Variants in SNX29 observed in about 807,000 individuals in gnomAD.
The protein encoded by SNX29 is sorting nexin-29.
SNX29 carries 78 observed loss-of-function variants against 102.1 expected under a neutral mutation model. That is an observed-to-expected ratio of 0.76 (90% CI 0.64 to 0.92). SNX29 has a LOEUF of 0.92. Among genes scored for constraint, SNX29 ranks in the 40% least tolerant of loss-of-function variants. The pLI is 0.00. For missense variants in SNX29, 1,280 were observed against 1,061.7 expected (o/e 1.21, Z -2.86); for synonymous variants, 580 against 414.5 (o/e 1.40, Z -4.85).
chr16:12,074,180 A>G (rs922096919), intron 10 of SNX29, among the ~76,000 whole-genome samples: 1 of 149,832 alleles, frequency 6.7e-6, no homozygotes, highest in Non-Finnish European at 1.5e-5. Context: ...TTTAAAGTTA[A>G]TATTGTTATG....
chr16:12,048,277 C>G lies in SNX29; in HGVS notation c.500-95C>G, dbSNP rs900069917. Reference sequence around the variant, plus strand: ...TACCTATTTAAGATCAACGTGCCTCCTCTTCTGTACTCTGTTGTCTGCAGC... The same window carrying G: ...TACCTATTTAAGATCAACGTGCCTCGTCTTCTGTACTCTGTTGTCTGCAGC... On this transcript the variant is annotated intron_variant, in intron 6 of 20. Transcript: ENST00000566228. 5 of 1,574,502 alleles carry G rather than the reference C, an allele frequency of 3.2e-6. No homozygotes were observed. The African/African-American group carries it at 6.8e-5, about 21-fold the overall frequency.
At chr16:12,106,823 CTT>C (rs374613785) in intron 11 of SNX29, among the ~76,000 whole-genome samples, 1 of 145,246 alleles carries the variant, frequency 6.9e-6, no homozygotes. Flanking sequence ...GTAGTGCTTC[CTT>C]TTTTTTTTGA....
At chr16:12,101,176 G>T (rs895742352) in intron 11 of SNX29, among the ~76,000 whole-genome samples, 1 of 152,062 alleles carries the variant, frequency 6.6e-6, no homozygotes, top group African/African-American at 2.4e-5. Flanking sequence ...GAGGTTGTGC[G>T]TGCGCATCCT....
At chr16:12,270,808 A>C (rs1011538344) in intron 14 of SNX29, among the ~76,000 whole-genome samples, 5 of 152,096 alleles carry the variant, frequency 3.3e-5, no homozygotes, top group African/African-American at 1.2e-4. Context: ...TTGGGAGGGC[A>C]AGGCGGGTAG....
chr16:12,048,771 T>G, intron 7 of SNX29, 151 bp downstream of exon 7: 1 of 1,378,854 alleles, frequency 7.3e-7, no homozygotes, highest in Non-Finnish European at 1.0e-6. Flanking sequence ...TCATCCTCAT[T>G]CACTCTGAAA....
chr16:12,380,784 C>CCCACCATCCAT (rs1215347126), intron 16 of SNX29, among the ~76,000 whole-genome samples: 7,528 of 59,948 alleles, frequency 0.13, 2,146 homozygotes, highest in Non-Finnish European at 0.23. Flanking sequence ...CATCCATCCA[C>CCCACCATCCAT]CCATCCACCC....
chr16:12,474,909 G>T (rs987162570), intron 18 of SNX29, among the ~76,000 whole-genome samples: 6 of 152,198 alleles, frequency 3.9e-5, no homozygotes, highest in African/African-American at 1.2e-4. Context: ...GTACGCCCAC[G>T]TGTGCTGGTA....
intron 18 of SNX29, among the ~76,000 whole-genome samples, chr16:12,467,912 G>T (rs922116275): frequency 6.6e-6 from 1 of 152,150 alleles, no homozygotes; most frequent in Admixed American, 6.5e-5. Flanking sequence ...GCTGTCCAGG[G>T]ACAGGGCACT....
At chr16:12,020,165 C>T (rs1203808213) in intron 3 of SNX29, among the ~76,000 whole-genome samples, 1 of 151,644 alleles carries the variant, frequency 6.6e-6, no homozygotes, top group Non-Finnish European at 1.5e-5. Flanking sequence ...TTCTGTCACC[C>T]ATGCTAAAGT....
intron 13 of SNX29, among the ~76,000 whole-genome samples, chr16:12,156,434 G>T (rs1217343969): frequency 1.3e-5 from 2 of 152,198 alleles, no homozygotes; most frequent in African/African-American, 4.8e-5. Flanking sequence ...GCCTCCCAAA[G>T]TACTGGGATT....
intron 18 of SNX29, among the ~76,000 whole-genome samples, chr16:12,427,911 C>T (rs1402690224): frequency 6.6e-6 from 1 of 152,226 alleles, no homozygotes. Context: ...AGACAAAGCA[C>T]TTAAACTCCA....
chr16:12,567,413 T>C (rs2079057062), intron 20 of SNX29, among the ~76,000 whole-genome samples: 1 of 152,208 alleles, frequency 6.6e-6, no homozygotes. Context: ...TCAAATAGCG[T>C]ATAGTAGGCA....
At chr16:12,528,285 TACC>T in intron 20 of SNX29, among the ~76,000 whole-genome samples, 1 of 152,150 alleles carries the variant, frequency 6.6e-6, no homozygotes, top group Non-Finnish European at 1.5e-5. Context: ...CTGCAACCTC[TACC>T]TCCGGTTCAA....
At chr16:12,082,680 C>A (rs935134291) in intron 11 of SNX29, among the ~76,000 whole-genome samples, 15 of 152,278 alleles carry the variant, frequency 9.9e-5, no homozygotes, top group Non-Finnish European at 4.4e-5. Context: ...GCATTTGAGC[C>A]TTGATACTTG....
At chr16:12,227,549 T>C (rs1451356257) in intron 14 of SNX29, among the ~76,000 whole-genome samples, 1 of 152,154 alleles carries the variant, frequency 6.6e-6, no homozygotes, top group Non-Finnish European at 1.5e-5. Context: ...AACTGGAGCT[T>C]ATCTTACACA....
chr16:11,993,950 G>A (rs1283743953), intron 1 of SNX29, among the ~76,000 whole-genome samples: 2 of 152,076 alleles, frequency 1.3e-5, no homozygotes, highest in African/African-American at 2.4e-5. Context: ...GTGAAATCCC[G>A]TCTCTACTAA....
At chr16:12,353,539 C>G (rs112282672) in intron 15 of SNX29, among the ~76,000 whole-genome samples, 2,463 of 152,306 alleles carry the variant, frequency 0.016, 57 homozygotes, top group African/African-American at 0.057. Flanking sequence ...AGTAACTGAT[C>G]AAGCCCAGGC....
In SNX29 at chr16:12,460,639, C is replaced by T. The variant is rs548764949; in HGVS notation, c.2038-17080C>T. On this transcript the variant is annotated intron_variant, in intron 18 of 20. Coordinates refer to ENST00000566228, the MANE Select transcript of SNX29 (RefSeq NM_032167.5). ...TATAACTTTTTGGCTGGCTGGCTGCCTCACAAATGTGTGAACTCTTTTTTT... is the reference window on the plus strand; with the variant it reads ...TATAACTTTTTGGCTGGCTGGCTGCTTCACAAATGTGTGAACTCTTTTTTT... Among the ~76,000 whole-genome samples, 3 of 151,650 alleles carry T rather than the reference C, an allele frequency of 2.0e-5. No homozygotes were observed. In the South Asian group the frequency reaches 6.2e-4, roughly 32 times the overall value.
chr16:12,458,500 G>A (rs1282900860), intron 18 of SNX29, among the ~76,000 whole-genome samples: 2 of 152,042 alleles, frequency 1.3e-5, no homozygotes, highest in Admixed American at 6.5e-5. Flanking sequence ...GTTATTTGAG[G>A]GTTTTGTATT....
Sources: allele counts gnomAD v4.1 joint callset (sites outside exome capture counted in the v4.1 genomes callset), GRCh38; gene constraint gnomAD v4.1.1; transcripts MANE v1.5; gene names NCBI Gene and HGNC (gene_info 2026-07-23, HGNC 2026-07-21).